PIK3CA: variants seen among roughly 807,000 people sequenced by gnomAD.
PIK3CA encodes the protein phosphatidylinositol-4,5-bisphosphate 3-kinase catalytic subunit alpha.
A neutral mutation model predicts 138.2 loss-of-function variants in PIK3CA; 27 were observed. The ratio of observed to expected loss-of-function variants is 0.20; its 90% CI spans 0.14 to 0.27. The LOEUF (loss-of-function observed/expected upper bound fraction) is 0.27. Among genes scored for constraint, PIK3CA ranks in the 10% least tolerant of loss-of-function variants. PIK3CA has a pLI of 1.00. For missense variants in PIK3CA, 544 were observed against 1,277.4 expected (o/e 0.43, Z 8.75); for synonymous variants, 358 against 413.2 (o/e 0.87, Z 1.62).
intron 16 of PIK3CA, among the ~76,000 whole-genome samples, chr3:179,225,402 TGAA>T (rs1244276822): frequency 6.6e-6 from 1 of 151,100 alleles, no homozygotes; most frequent in Non-Finnish European, 1.5e-5. Context: ...ATGGGGGGAG[TGAA>T]GGAGGATCAT....
Position 179,230,809 on chromosome 3 carries a change from T to C in PIK3CA, c.2936+433T>C, listed in dbSNP as rs2108425991. Among the ~76,000 whole-genome samples, 1 of 152,230 alleles carries C rather than the reference T, an allele frequency of 6.6e-6. No homozygotes were observed. Among genetic ancestry groups the C allele is most frequent in the East Asian group, 1.9e-4 (1 of 5,174 alleles). ...TTTTACCACTTCAGCAAAAACTATT[T>C]TTTGTTTGTTTTTTATTCTATCTTA... On this transcript the variant is annotated intron_variant, in intron 20 of 20. Transcript: ENST00000263967. This position sits in a 1 kb window ranked among gnomAD's most constrained non-coding sequence, Gnocchi z 5.4.
intron 4 of PIK3CA, among the ~76,000 whole-genome samples, 192 bp from the exon 5 acceptor site, chr3:179,203,352 T>C (rs1724470658): frequency 6.6e-6 from 1 of 152,234 alleles, no homozygotes. Context: ...AAGTGTTTGA[T>C]TGATCTTGTG....
intron 18 of PIK3CA, among the ~76,000 whole-genome samples, chr3:179,229,709 ACATT>A (rs751190509): frequency 2.6e-5 from 4 of 152,188 alleles, no homozygotes; most frequent in Non-Finnish European, 5.9e-5. Context: ...TGAATATTGC[ACATT>A]CAAAATTTTA....
At chr3:179,176,854 C>G (rs1206548106) in intron 1 of PIK3CA, among the ~76,000 whole-genome samples, 2 of 152,082 alleles carry the variant, frequency 1.3e-5, no homozygotes, top group African/African-American at 4.8e-5. Flanking sequence ...GTTGCCTAAT[C>G]TAAGAATAAG....
Position 179,236,560 on chromosome 3 carries a change from T to C in PIK3CA, c.*2196T>C, listed in dbSNP as rs578203550. On this transcript the variant is annotated 3_prime_UTR_variant, in exon 21 of 21. Transcript: ENST00000263967. ...AACAGAGAACTGTGTTTTACCCGAG[T>C]GCCAAAAATGCTGTGAGCCTCCTTG... 26 of 224,320 alleles carry C rather than the reference T, an allele frequency of 1.2e-4. No individual in the cohort carries two copies. The highest frequency in any genetic ancestry group is 5.6e-4 in the African/African-American group (25 of 44,870). The allele number at this position is 224,320 out of a possible 1,614,324, so 13.9% of individuals were successfully genotyped here.
At chr3:179,232,079 A>T (rs1725226239) in intron 20 of PIK3CA, among the ~76,000 whole-genome samples, 2 of 151,960 alleles carry the variant, frequency 1.3e-5, no homozygotes, top group Non-Finnish European at 2.9e-5. Flanking sequence ...AACTTTGATG[A>T]TTCTTTCTTT....
At chr3:179,160,466 G>T (rs967285748) in intron 1 of PIK3CA, among the ~76,000 whole-genome samples, 3 of 152,120 alleles carry the variant, frequency 2.0e-5, no homozygotes. Context: ...CTAATACCCA[G>T]CCTGTAGTGC....
intron 1 of PIK3CA, among the ~76,000 whole-genome samples, chr3:179,160,323 A>C (rs146651047): frequency 2.6e-4 from 37 of 141,534 alleles, no homozygotes; most frequent in African/African-American, 9.9e-4. Flanking sequence ...CTTTTGCTTC[A>C]AAGTAGACAC....
intron 6 of PIK3CA, among the ~76,000 whole-genome samples, chr3:179,207,502 A>AT (rs1553821780): frequency 1.3e-5 from 2 of 152,106 alleles, no homozygotes; most frequent in Non-Finnish European, 2.9e-5. Context: ...TTTAGGAATA[A>AT]TAAAAAGTCT....
At chr3:179,167,131 A>G (rs1374886132) in intron 1 of PIK3CA, among the ~76,000 whole-genome samples, 2 of 152,150 alleles carry the variant, frequency 1.3e-5, no homozygotes, top group Non-Finnish European at 2.9e-5. Context: ...GAAGATTTTT[A>G]TAAAAAGCAA....
chr3:179,168,718 G>A (rs1432373689), intron 1 of PIK3CA, among the ~76,000 whole-genome samples: 3 of 152,020 alleles, frequency 2.0e-5, no homozygotes, highest in African/African-American at 4.8e-5. Flanking sequence ...TAGGTGAAAT[G>A]TTATATCCTT....
At chr3:179,185,951 C>A (rs567279849) in intron 1 of PIK3CA, among the ~76,000 whole-genome samples, 3 of 152,156 alleles carry the variant, frequency 2.0e-5, no homozygotes, top group African/African-American at 7.2e-5. Flanking sequence ...AAATAATTGG[C>A]CATTGGTGAT....
chr3:179,237,394 C>T lies in PIK3CA; in HGVS notation c.*3030C>T, dbSNP rs1434167699. ...TTAAAAGCCCATTAGAAAATGGGAA[C>T]CTGGTGAATATATAATGAATTGTAA... On this transcript the variant is annotated 3_prime_UTR_variant, in exon 21 of 21. Transcript: ENST00000263967. The T allele has an allele frequency of 2.6e-5, 5 of 195,374 alleles. No homozygotes were observed. The South Asian group carries it at 7.7e-4, about 30-fold the overall frequency. The allele number at this position is 195,374 out of a possible 1,614,324, so 12.1% of individuals were successfully genotyped here.
intron 1 of PIK3CA, among the ~76,000 whole-genome samples, chr3:179,163,735 A>G (rs973642023): frequency 6.6e-6 from 1 of 152,136 alleles, no homozygotes; most frequent in Non-Finnish European, 1.5e-5. Context: ...CATAAGGGAC[A>G]TGTTTTTCCC....
chr3:179,224,560 C>T, intron 15 of PIK3CA, 140 bp from the exon 16 acceptor site: 1 of 505,600 alleles, frequency 2.0e-6, no homozygotes, highest in Non-Finnish European at 3.3e-6. Context: ...GGAATGGATT[C>T]CTAAATAAAA....
chr3:179,195,634 G>A (rs1242355535), intron 1 of PIK3CA, among the ~76,000 whole-genome samples: 1 of 152,072 alleles, frequency 6.6e-6, no homozygotes, highest in East Asian at 1.9e-4. Context: ...GGGGAATATT[G>A]CCTGGCCATA....
chr3:179,173,737 T>C (rs1012485768), intron 1 of PIK3CA, among the ~76,000 whole-genome samples: 2 of 152,150 alleles, frequency 1.3e-5, no homozygotes, highest in South Asian at 2.1e-4. Flanking sequence ...TTTTTTGTTT[T>C]TGTTTAGAGG....
intron 1 of PIK3CA, among the ~76,000 whole-genome samples, chr3:179,174,933 C>T (rs1377856599): frequency 1.3e-5 from 2 of 152,198 alleles, no homozygotes; most frequent in Non-Finnish European, 2.9e-5. Context: ...TGCAATAACT[C>T]TCACATGTGA....
Position 179,234,446 on chromosome 3 carries a change from A to G in PIK3CA, c.*82A>G, listed in dbSNP as rs1725288068. On this transcript the variant is annotated 3_prime_UTR_variant, in exon 21 of 21. Transcript: ENST00000263967. The surrounding 1 kb of genome is among the most constrained non-coding windows in gnomAD (Gnocchi z 5.1). Reference sequence around the variant, plus strand: ...CTCTCAGCAGGCAAAGACCGATTGCATAGGAATTGCACAATCCATGAACAG... The same window carrying G: ...CTCTCAGCAGGCAAAGACCGATTGCGTAGGAATTGCACAATCCATGAACAG... 4 of 1,140,982 alleles carry G rather than the reference A, an allele frequency of 3.5e-6. No homozygotes were observed. The highest frequency in any genetic ancestry group is 5.0e-6 in the Non-Finnish European group (4 of 799,448). The allele number at this position is 1,140,982 out of a possible 1,614,324, so 70.7% of individuals were successfully genotyped here. A position where few individuals can be genotyped will look rare whatever the true frequency, so the allele number is the denominator to read the frequency against.
Sources: gnomAD v4.1 joint callset for allele counts (sites outside exome capture counted in the v4.1 genomes callset) on GRCh38, gnomAD v4.1.1 for gene constraint, Gnocchi (gnomAD v3.1) non-coding constraint, MANE v1.5 for transcripts, NCBI Gene and HGNC (gene_info 2026-07-23, HGNC 2026-07-21) for gene names.